The following SLC35F4 variants were observed in gnomAD, a reference collection of about 807,000 sequenced individuals.
SLC35F4 encodes the protein solute carrier family 35 member F4, also known as chromosome 14 open reading frame 36.
Under a neutral mutation model 44.2 loss-of-function variants are expected in SLC35F4, and 24 were observed. That is an observed-to-expected ratio of 0.54 (90% CI 0.39 to 0.76). The LOEUF (loss-of-function observed/expected upper bound fraction) is 0.76, where lower values mean the gene tolerates loss of function less well. SLC35F4 is among the 30% of genes least tolerant of loss of function. The pLI is 0.00. For synonymous variants in SLC35F4, 238 were observed against 223.6 expected, an observed-to-expected ratio of 1.06 and a Z score of -0.57; for missense variants, 562 against 586.1, an observed-to-expected ratio of 0.96 and a Z score of 0.42.
rs150988474 is a variant in SLC35F4, at chr14:57,592,563, AAAC to A, written c.289+1373_289+1375del. Among the ~76,000 whole-genome samples, 411 of 152,334 alleles carry A rather than the reference AAAC, an allele frequency of 2.7e-3. 2 individuals are homozygous for A. Among genetic ancestry groups the A allele is most frequent in the African/African-American group, 9.2e-3 (384 of 41,568 alleles). ...AATTAACTGGAACATTTTGTTTTGC[AAAC>A]AACTGGGGTAATAGGAATATTGCAA... On this transcript the variant is annotated intron_variant, in intron 2 of 7. Transcript: ENST00000556826.
At chr14:57,981,674 A>G (rs1413012846) in intron 1 of SLC35F4, among the ~76,000 whole-genome samples, 1 of 152,136 alleles carries the variant, frequency 6.6e-6, no homozygotes, top group African/African-American at 2.4e-5. Context: ...ACGGTGGTAA[A>G]TCAAACTTCC....
At chr14:57,898,146 G>T (rs1477389318) in intron 1 of SLC35F4, among the ~76,000 whole-genome samples, 1 of 152,058 alleles carries the variant, frequency 6.6e-6, no homozygotes, top group African/African-American at 2.4e-5. Context: ...TATATAGTCA[G>T]GTTTTCCAGA....
At chr14:57,683,577 T>A (rs960965623) in intron 1 of SLC35F4, among the ~76,000 whole-genome samples, 4 of 152,184 alleles carry the variant, frequency 2.6e-5, no homozygotes, top group African/African-American at 7.2e-5. Context: ...CAACTCCCAG[T>A]TGAAATCACA....
intron 1 of SLC35F4, among the ~76,000 whole-genome samples, chr14:57,778,284 T>C (rs1465037371): frequency 2.6e-5 from 4 of 152,184 alleles, no homozygotes; most frequent in Non-Finnish European, 5.9e-5. Flanking sequence ...GTCTTGGGTA[T>C]GTCTTTATCA....
At chr14:57,848,408 C>A (rs1799090977) in intron 1 of SLC35F4, among the ~76,000 whole-genome samples, 1 of 152,226 alleles carries the variant, frequency 6.6e-6, no homozygotes, top group Admixed American at 6.5e-5. Context: ...ACGCTGCCCA[C>A]TGAGGCTCCC....
chr14:57,606,523 CTTTTCTTCAT>C (rs1280776588), intron 1 of SLC35F4, among the ~76,000 whole-genome samples: 1 of 152,190 alleles, frequency 6.6e-6, no homozygotes, highest in Non-Finnish European at 1.5e-5. Context: ...TTCACAGTGA[CTTTTCTTCAT>C]TTGAACCTTT....
chr14:57,969,852 G>A (rs941304723), intron 1 of SLC35F4, among the ~76,000 whole-genome samples: 2 of 152,150 alleles, frequency 1.3e-5, no homozygotes, highest in Non-Finnish European at 2.9e-5. Flanking sequence ...ACTGAGCACG[G>A]ATGTTCATGG....
intron 1 of SLC35F4, among the ~76,000 whole-genome samples, chr14:57,791,829 C>T (rs192890364): frequency 6.6e-6 from 1 of 152,142 alleles, no homozygotes; most frequent in East Asian, 1.9e-4. Flanking sequence ...ATGGATAAAG[C>T]TGGAAACCAT....
chr14:57,746,449 C>T (rs1417525042), intron 1 of SLC35F4, among the ~76,000 whole-genome samples: 1 of 152,014 alleles, frequency 6.6e-6, no homozygotes, highest in Non-Finnish European at 1.5e-5. Context: ...ATGTGGGTAA[C>T]ATTGAATTGA....
At chr14:57,945,593 G>C (rs1890012490) in intron 1 of SLC35F4, among the ~76,000 whole-genome samples, 1 of 151,864 alleles carries the variant, frequency 6.6e-6, no homozygotes, top group African/African-American at 2.4e-5. Context: ...GCATGTGCAA[G>C]TGTCCTTTTC....
downstream of SLC35F4, among the ~76,000 whole-genome samples, chr14:57,974,705 C>T (rs180972954): frequency 3.3e-3 from 504 of 151,966 alleles, 3 homozygotes; most frequent in African/African-American, 0.011. Context: ...GATGGTGATA[C>T]CTTTAAGAAG....
intron 1 of SLC35F4, among the ~76,000 whole-genome samples, chr14:57,926,429 A>G (rs1889570039): frequency 6.6e-6 from 1 of 152,192 alleles, no homozygotes; most frequent in Non-Finnish European, 1.5e-5. Context: ...ACGCAAACAC[A>G]TTCACACAGA....
intron 1 of SLC35F4, among the ~76,000 whole-genome samples, chr14:57,838,893 T>A (rs1182898839): frequency 6.6e-6 from 1 of 152,118 alleles, no homozygotes; most frequent in Non-Finnish European, 1.5e-5. Context: ...AGAATTCACA[T>A]GAGAATGGCA....
chr14:57,679,057 A>C (rs192429655), intron 1 of SLC35F4, among the ~76,000 whole-genome samples: 10 of 152,242 alleles, frequency 6.6e-5, no homozygotes, highest in Non-Finnish European at 1.2e-4. Context: ...TCTCCATCCC[A>C]AATCAACAGA....
At chr14:57,867,819 A>G (rs542236275), upstream of SLC35F4, among the ~76,000 whole-genome samples, 9 of 152,244 alleles carry the variant, frequency 5.9e-5, no homozygotes, top group Middle Eastern at 3.4e-3. Flanking sequence ...ATAGCACATT[A>G]ATATATATAT....
intron 1 of SLC35F4, among the ~76,000 whole-genome samples, chr14:57,702,331 TAAAAAAAAAA>T (rs5808935): frequency 7.3e-6 from 1 of 136,626 alleles, no homozygotes; most frequent in East Asian, 2.1e-4. Context: ...TCATTTTCTT[TAAAAAAAAAA>T]AAAAAAAAAG....
intron 1 of SLC35F4, among the ~76,000 whole-genome samples, chr14:57,667,705 G>A (rs985233171): frequency 2.6e-5 from 4 of 151,764 alleles, no homozygotes; most frequent in African/African-American, 2.4e-5. Flanking sequence ...TGGTGTATAT[G>A]TGCCACATTT....
chr14:57,973,296 G>A (rs1881106945), downstream of SLC35F4, among the ~76,000 whole-genome samples: 2 of 152,270 alleles, frequency 1.3e-5, no homozygotes, highest in Middle Eastern at 3.4e-3. Context: ...TTGCCTTGGA[G>A]GATATGAAAG....
chr14:57,945,439 A>AGTGTGTGTG (rs370009024), intron 1 of SLC35F4, among the ~76,000 whole-genome samples: 3 of 104,690 alleles, frequency 2.9e-5, no homozygotes, highest in African/African-American at 1.5e-4. Flanking sequence ...AGCAATGATA[A>AGTGTGTGTG]TGTGTGTGTG....
Sources: gnomAD v4.1 joint callset for allele counts (sites outside exome capture counted in the v4.1 genomes callset) on GRCh38, gnomAD v4.1.1 for gene constraint, MANE v1.5 for transcripts, NCBI Gene and HGNC (gene_info 2026-07-23, HGNC 2026-07-21) for gene names.